Variants in GAB1 observed in about 807,000 individuals in gnomAD.
The protein encoded by GAB1 is GRB2-associated-binding protein 1.
A neutral mutation model predicts 66.5 loss-of-function variants in GAB1; 19 were observed. The observed-to-expected ratio is 0.29, with a 90% CI of 0.20 to 0.42. The LOEUF (loss-of-function observed/expected upper bound fraction) is 0.42, where lower values mean the gene tolerates loss of function less well. Among genes scored for constraint, GAB1 ranks in the 10% least tolerant of loss-of-function variants. The pLI is 1.00. For missense variants in GAB1, 732 were observed against 858.5 expected (o/e 0.85, Z 1.84); for synonymous variants, 294 against 301.4 (o/e 0.98, Z 0.25).
intron 1 of GAB1, among the ~76,000 whole-genome samples, chr4:143,363,789 C>A (rs1729759379): frequency 6.6e-6 from 1 of 152,156 alleles, no homozygotes; most frequent in African/African-American, 2.4e-5. Flanking sequence ...TGCCTTTGCT[C>A]TGGTGGTCCT....
chr4:143,390,263 T>C (rs944598737), intron 1 of GAB1, among the ~76,000 whole-genome samples: 1 of 152,168 alleles, frequency 6.6e-6, no homozygotes, highest in Non-Finnish European at 1.5e-5. Context: ...CAGCTAATAA[T>C]AAGATTAAGG....
chr4:143,436,667 G>A (rs1733958150), intron 3 of GAB1, among the ~76,000 whole-genome samples: 1 of 152,186 alleles, frequency 6.6e-6, no homozygotes, highest in African/African-American at 2.4e-5. Context: ...AGCTGATTGA[G>A]TTTTAAGCCT....
At chr4:143,401,613 C>T (rs544208135) in intron 1 of GAB1, among the ~76,000 whole-genome samples, 2 of 152,202 alleles carry the variant, frequency 1.3e-5, no homozygotes, top group East Asian at 3.9e-4. Flanking sequence ...CCTTTCCCTC[C>T]GTAATTCTAG....
chr4:143,428,599 T>G (rs915001445), intron 2 of GAB1, among the ~76,000 whole-genome samples: 6 of 152,150 alleles, frequency 3.9e-5, no homozygotes, highest in East Asian at 3.9e-4. Flanking sequence ...CCCCTTAGCT[T>G]CTTCTGAGCT....
chr4:143,379,768 T>G (rs1730577900), intron 1 of GAB1, among the ~76,000 whole-genome samples: 1 of 151,898 alleles, frequency 6.6e-6, no homozygotes, highest in Non-Finnish European at 1.5e-5. Flanking sequence ...TTGTATGTTT[T>G]GTAGAGACAG....
intron 6 of GAB1, among the ~76,000 whole-genome samples, chr4:143,447,710 A>G (rs1734641531): frequency 6.6e-6 from 1 of 152,128 alleles, no homozygotes. Flanking sequence ...GGTTTTCTAG[A>G]TATACAATCA....
intron 1 of GAB1, among the ~76,000 whole-genome samples, chr4:143,371,999 G>A (rs1040495961): frequency 1.3e-5 from 2 of 152,086 alleles, no homozygotes; most frequent in Non-Finnish European, 2.9e-5. Context: ...CTAGTTTAAT[G>A]TATTCAATTA....
At chr4:143,416,356 C>T (rs1016377814) in intron 2 of GAB1, among the ~76,000 whole-genome samples, 4 of 152,032 alleles carry the variant, frequency 2.6e-5, no homozygotes, top group African/African-American at 9.7e-5. Flanking sequence ...TACAGTGAGC[C>T]GAGATCGCGC....
intron 1 of GAB1, among the ~76,000 whole-genome samples, chr4:143,379,113 G>T: frequency 6.6e-6 from 1 of 152,128 alleles, no homozygotes; most frequent in East Asian, 1.9e-4. Context: ...TTGAGGTGGG[G>T]TAGGGGTTGC....
rs1733884586 is a variant in GAB1 at position 143,435,214 on chromosome 4, G to A, written c.593+1498G>A. On this transcript the variant is annotated intron_variant, in intron 3 of 9. Transcript: ENST00000262994. ...TCTGTGAACCATGCCCTGAGATGATGGAAATAGCTCATATTCATTCCAAAG... is the reference window on the plus strand; with the variant it reads ...TCTGTGAACCATGCCCTGAGATGATAGAAATAGCTCATATTCATTCCAAAG... Among the ~76,000 whole-genome samples the A allele has an allele frequency of 2.0e-5, 3 of 151,972 alleles. No homozygotes were observed. The South Asian group carries it at 6.2e-4, about 32-fold the overall frequency.
intron 1 of GAB1, among the ~76,000 whole-genome samples, chr4:143,352,010 A>G (rs1445380508): frequency 6.6e-6 from 1 of 152,254 alleles, no homozygotes; most frequent in Non-Finnish European, 1.5e-5. Flanking sequence ...AAAAACAGTC[A>G]TTGAGATGGC....
At chr4:143,338,848 G>A (rs534572878) in intron 1 of GAB1, among the ~76,000 whole-genome samples, 3 of 152,188 alleles carry the variant, frequency 2.0e-5, no homozygotes, top group South Asian at 2.1e-4. Flanking sequence ...TTTGCTGAAC[G>A]TGAAAGTGAT....
At chr4:143,380,541 A>T (rs1730614659) in intron 1 of GAB1, 1 of 152,206 alleles carries the variant, frequency 6.6e-6, no homozygotes, top group African/African-American at 2.4e-5. Flanking sequence ...AAATTAGAGG[A>T]TTGTTTATTA....
At chr4:143,391,138 C>T (rs941654119) in intron 1 of GAB1, among the ~76,000 whole-genome samples, 3 of 152,114 alleles carry the variant, frequency 2.0e-5, no homozygotes, top group African/African-American at 4.8e-5. Context: ...GTCTGCCCCA[C>T]AGTGCTTAAT....
rs12498527 is a variant in GAB1 at position 143,469,857 on chromosome 4, G to A, written c.*668G>A. 4 of 152,600 alleles carry A rather than the reference G, an allele frequency of 2.6e-5. No individual in the cohort carries two copies. The highest frequency in any genetic ancestry group is 9.7e-5 in the African/African-American group (4 of 41,438). 9.5% of individuals were successfully genotyped at this position (152,600 alleles called of 1,614,324 possible). A position where few individuals can be genotyped will look rare whatever the true frequency, so the allele number is the denominator to read the frequency against. The stretch of plus-strand genomic sequence containing the variant: ...TGGTTCATTGAGTGAAGATTCTGCC[G>A]GGTGGGATCTTGCACCTTTGAAAGA... On this transcript the variant is annotated 3_prime_UTR_variant, in exon 10 of 10. Transcript: ENST00000262994.
At chr4:143,388,039 G>GT (rs1417929718) in intron 1 of GAB1, among the ~76,000 whole-genome samples, 1 of 152,130 alleles carries the variant, frequency 6.6e-6, no homozygotes, top group Non-Finnish European at 1.5e-5. Context: ...TTCTGACTTT[G>GT]TTTTGGCATC....
At chr4:143,366,013 T>C (rs932307073) in intron 1 of GAB1, among the ~76,000 whole-genome samples, 1 of 152,200 alleles carries the variant, frequency 6.6e-6, no homozygotes, top group Non-Finnish European at 1.5e-5. Context: ...ACATTGCTAG[T>C]TTATTTCAAA....
intron 1 of GAB1, among the ~76,000 whole-genome samples, chr4:143,339,527 A>C (rs1235063777): frequency 1.3e-5 from 2 of 152,218 alleles, no homozygotes; most frequent in African/African-American, 4.8e-5. Flanking sequence ...AGCAACAACA[A>C]AATAAAGGTC....
intron 1 of GAB1, among the ~76,000 whole-genome samples, chr4:143,406,720 C>T (rs897271972): frequency 6.6e-6 from 1 of 152,236 alleles, no homozygotes; most frequent in Non-Finnish European, 1.5e-5. Flanking sequence ...CTGTGGGTCA[C>T]CCCAGGGCAC....
Sources: allele counts gnomAD v4.1 joint callset (sites outside exome capture counted in the v4.1 genomes callset), GRCh38; gene constraint gnomAD v4.1.1; transcripts MANE v1.5; gene names NCBI Gene and HGNC (gene_info 2026-07-23, HGNC 2026-07-21).